POLK: variants seen among roughly 807,000 people sequenced by gnomAD.
POLK encodes the protein polymerase (DNA directed) kappa.
In POLK, 76 loss-of-function variants were observed where a neutral mutation model predicts 94.0. The observed-to-expected ratio is 0.81, with a 90% CI of 0.67 to 0.98. The LOEUF is 0.98. Ranked by LOEUF, POLK falls within the 50% of genes least tolerant of loss-of-function variation. The pLI, the probability that POLK is intolerant of heterozygous loss-of-function variation, is 0.00. For missense variants in POLK, 954 were observed against 1,010.1 expected (o/e 0.94, Z 0.75); for synonymous variants, 349 against 325.4 (o/e 1.07, Z -0.78).
At chr5:75,511,273 G>A, upstream of POLK, 1 of 1,587,568 alleles carries the variant, frequency 6.3e-7, no homozygotes. Context: ...GAGGCGCCCA[G>A]TCCTCGGGGT....
chr5:75,559,513 G>GTTTTTTTTT (rs1561371280), intron 3 of POLK, among the ~76,000 whole-genome samples: 2 of 68,438 alleles, frequency 2.9e-5, no homozygotes, highest in South Asian at 4.8e-4. Context: ...TTGTTTTTTT[G>GTTTTTTTTT]TTTTGTTTTG....
rs60564707 is a variant in POLK at position 75,586,439 on chromosome 5, G to T, written c.1227-587G>T. On this transcript the variant is annotated intron_variant, in intron 9 of 14. Coordinates refer to ENST00000241436, the Ensembl canonical transcript of POLK. Reference sequence around the variant, plus strand: ...ATCATAATAGGTTCACTAAATATTTGGAAAATGAGTACTCTACATGTCATT... The same window carrying T: ...ATCATAATAGGTTCACTAAATATTTTGAAAATGAGTACTCTACATGTCATT... Among the ~76,000 whole-genome samples, 218 of 152,146 alleles carry T rather than the reference G, an allele frequency of 1.4e-3. 1 individual carries two copies. Among genetic ancestry groups the T allele is most frequent in the African/African-American group, 5.0e-3 (207 of 41,514 alleles).
intron 5 of POLK, 140 bp downstream of exon 5, chr5:75,574,009 G>C (rs1181045011): frequency 2.3e-5 from 16 of 698,104 alleles, no homozygotes; most frequent in African/African-American, 5.4e-5. Flanking sequence ...TCTTCAGCTT[G>C]TATATTGAAT....
chr5:75,574,006 C>T (rs1236943659), intron 5 of POLK, 137 bp downstream of exon 5: 2 of 711,520 alleles, frequency 2.8e-6, no homozygotes, highest in Non-Finnish European at 4.8e-6. Flanking sequence ...ACTTCTTCAG[C>T]TTGTATATTG....
downstream of POLK, among the ~76,000 whole-genome samples, chr5:75,603,174 CT>C: frequency 6.6e-6 from 1 of 152,264 alleles, no homozygotes; most frequent in South Asian, 2.1e-4. Flanking sequence ...CTACTCCTTA[CT>C]TTTTAACTCA....
intron 6 of POLK, 35 bp downstream of exon 6, chr5:75,576,968 C>G (rs760397584): frequency 7.4e-7 from 1 of 1,345,228 alleles, no homozygotes; most frequent in South Asian, 1.7e-5. Context: ...AACCAAGAAG[C>G]AGTGAAAAAA....
downstream of POLK, among the ~76,000 whole-genome samples, chr5:75,603,687 G>T (rs1773352022): frequency 6.6e-6 from 1 of 152,086 alleles, no homozygotes; most frequent in Non-Finnish European, 1.5e-5. Context: ...TGGCATTCAG[G>T]GTTTCCTGAA....
At chr5:75,547,044 T>G (rs1372773648) in exon 2 of POLK, 16 of 1,531,236 alleles carry the variant, frequency 1.0e-5, no homozygotes, top group Non-Finnish European at 1.4e-5. Context: ...AAAGGAGAAG[T>G]GTGACAGTTA....
chr5:75,573,648 G>A (rs1054707477), intron 4 of POLK, 90 bp from the exon 5 acceptor site: 1 of 1,063,136 alleles, frequency 9.4e-7, no homozygotes, highest in Non-Finnish European at 1.4e-6. Context: ...AATTGAAAAT[G>A]CACATATTAA....
At chr5:75,530,251 T>C (rs1260800756) in intron 1 of POLK, among the ~76,000 whole-genome samples, 41 of 146,828 alleles carry the variant, frequency 2.8e-4, no homozygotes, top group Non-Finnish European at 2.7e-4. Context: ...ATTTCTTTTT[T>C]TTTTTTTTTT....
intron 1 of POLK, among the ~76,000 whole-genome samples, chr5:75,533,897 C>T (rs1769310958): frequency 6.6e-6 from 1 of 152,166 alleles, no homozygotes; most frequent in Non-Finnish European, 1.5e-5. Context: ...TTGGAGGTTG[C>T]TGGTGTACAG....
intron 3 of POLK, among the ~76,000 whole-genome samples, chr5:75,555,596 G>C (rs181945911): frequency 2.8e-3 from 422 of 151,280 alleles, no homozygotes; most frequent in African/African-American, 9.2e-3. Flanking sequence ...CGTTGCCCAG[G>C]CTGGAGTGCA....
At chr5:75,542,618 TATATATACAC>T (rs1472304383) in intron 1 of POLK, among the ~76,000 whole-genome samples, 2 of 150,022 alleles carry the variant, frequency 1.3e-5, no homozygotes, top group Admixed American at 6.7e-5. Context: ...CATATACACA[TATATATACAC>T]ATATATACAC....
chr5:75,525,635 C>G (rs1455088683), intron 1 of POLK, among the ~76,000 whole-genome samples: 2 of 152,064 alleles, frequency 1.3e-5, no homozygotes, highest in Non-Finnish European at 2.9e-5. Context: ...ATAGTAATAG[C>G]CACAACTTTC....
chr5:75,601,828 C>T (rs376337493), downstream of POLK, among the ~76,000 whole-genome samples: 1 of 152,198 alleles, frequency 6.6e-6, no homozygotes, highest in Non-Finnish European at 1.5e-5. Flanking sequence ...TGGGACTTCA[C>T]CTTGTGATTG....
chr5:75,554,754 G>A (rs901310796), intron 3 of POLK, among the ~76,000 whole-genome samples: 2 of 152,068 alleles, frequency 1.3e-5, no homozygotes, highest in East Asian at 1.9e-4. Context: ...GAGAACATGC[G>A]GTATGTGGTT....
At chr5:75,544,348 C>G (rs1006086273) in intron 1 of POLK, among the ~76,000 whole-genome samples, 1 of 152,084 alleles carries the variant, frequency 6.6e-6, no homozygotes, top group African/African-American at 2.4e-5. Context: ...CCACCCCTGT[C>G]TCTAAAAAAC....
chr5:75,550,668 CTTAG>C lies in POLK; in HGVS notation c.136-1802_136-1799del, dbSNP rs532446957. On this transcript the variant is annotated intron_variant, in intron 2 of 14. Transcript: ENST00000241436. Reference sequence around the variant, plus strand: ...AAGGGCAAAAAAACCACACGATCATCTTAGTAGACTCAGAAAAAGCATATTTGAT... The same window carrying C: ...AAGGGCAAAAAAACCACACGATCATCTAGACTCAGAAAAAGCATATTTGAT... 2.0e-5 allele frequency among the ~76,000 whole-genome samples: 3 copies of C among 152,230 alleles called. No homozygotes were observed. In the South Asian group the frequency reaches 6.2e-4, roughly 32 times the overall value.
At chr5:75,570,190 T>C (rs1771517519) in intron 4 of POLK, among the ~76,000 whole-genome samples, 1 of 152,208 alleles carries the variant, frequency 6.6e-6, no homozygotes, top group Admixed American at 6.5e-5. Context: ...AGGTACTAGT[T>C]TTTATTTCCA....
Sources: gnomAD v4.1 joint callset for allele counts (sites outside exome capture counted in the v4.1 genomes callset) on GRCh38, gnomAD v4.1.1 for gene constraint, MANE v1.5 for transcripts, NCBI Gene and HGNC (gene_info 2026-07-23, HGNC 2026-07-21) for gene names.